FLT3: variants seen among roughly 807,000 people sequenced by gnomAD.
FLT3 encodes receptor-type tyrosine-protein kinase FLT3.
Under a neutral mutation model 126.6 loss-of-function variants are expected in FLT3, and 46 were observed. That is an observed-to-expected ratio of 0.36 (90% confidence interval 0.29 to 0.46). The LOEUF is 0.46. FLT3 is among the 20% of genes least tolerant of loss of function. FLT3 has a pLI of 1.00. For missense variants in FLT3, 1,069 were observed against 1,190.3 expected (o/e 0.90, Z 1.50); for synonymous variants, 404 against 434.4 (o/e 0.93, Z 0.87).
At chr13:28,018,807 T>C (rs1872121449) in intron 19 of FLT3, among the ~76,000 whole-genome samples, 2 of 152,178 alleles carry the variant, frequency 1.3e-5, no homozygotes, top group Non-Finnish European at 2.9e-5. Flanking sequence ...TTTGTGCGGC[T>C]TCTGAAGCAT....
intron 2 of FLT3, among the ~76,000 whole-genome samples, chr13:28,065,703 C>T (rs188120091): frequency 6.8e-5 from 10 of 147,686 alleles, no homozygotes; most frequent in South Asian, 4.3e-4. Context: ...TGGCTCACGC[C>T]TGTAATCCCA....
chr13:28,100,523 C>G lies in FLT3; in HGVS notation c.-13G>C. On this transcript the variant is annotated 5_prime_UTR_variant, in exon 1 of 24. Coordinates refer to ENST00000241453, the MANE Select transcript of FLT3 (RefSeq NM_004119.3). The surrounding 1 kb of genome is among the most constrained non-coding windows in gnomAD (Gnocchi z 4.8). Reference sequence around the variant, plus strand: ...CCAACGCCGGCATGGCCTCCGGAGCCCGGGGTCCCCAGGCCGCGCCGGCCC... The same window carrying G: ...CCAACGCCGGCATGGCCTCCGGAGCGCGGGGTCCCCAGGCCGCGCCGGCCC... The G allele has an allele frequency of 8.2e-7, 1 of 1,213,940 alleles. No individual in the cohort carries two copies. The allele number at this position is 1,213,940 out of a possible 1,614,324, so 75.2% of individuals were successfully genotyped here. A position where few individuals can be genotyped will look rare whatever the true frequency, so the allele number is the denominator to read the frequency against.
rs1874109095 is a variant in FLT3 at position 28,039,146 on chromosome 13, G to A, written c.1206-1858C>T. 2.6e-5 allele frequency among the ~76,000 whole-genome samples: 4 copies of A among 152,136 alleles called. No individual in the cohort carries two copies. The South Asian group carries it at 8.3e-4, about 32-fold the overall frequency. On this transcript the variant is annotated intron_variant, in intron 9 of 23. Transcript: ENST00000241453. The stretch of plus-strand genomic sequence containing the variant: ...ACGGGAAGTCATAGGGCTGCAGTGA[G>A]GAGGAACGGCAAGCCTCTCATGGGA...
chr13:28,071,285 C>T (rs1450688021), intron 1 of FLT3, among the ~76,000 whole-genome samples: 1 of 151,888 alleles, frequency 6.6e-6, no homozygotes, highest in Non-Finnish European at 1.5e-5. Context: ...GCTGGGATTA[C>T]AGGTGTAAGC....
At chr13:28,043,938 C>T (rs1307377444) in intron 9 of FLT3, among the ~76,000 whole-genome samples, 16 of 151,738 alleles carry the variant, frequency 1.1e-4, no homozygotes, top group African/African-American at 3.6e-4. Flanking sequence ...GGTGAAACCC[C>T]GTCTCTACTA....
chr13:28,094,219 T>C (rs1879303945), intron 1 of FLT3, among the ~76,000 whole-genome samples: 1 of 152,158 alleles, frequency 6.6e-6, no homozygotes, highest in African/African-American at 2.4e-5. Context: ...GAACATAATA[T>C]CAAACATTAG....
chr13:28,060,627 C>T (rs977461598), intron 3 of FLT3, among the ~76,000 whole-genome samples: 16 of 151,280 alleles, frequency 1.1e-4, no homozygotes, highest in Admixed American at 4.0e-4. Flanking sequence ...TTTTTTGAGA[C>T]GGAGTCTCAC....
chr13:28,080,982 C>T (rs1244206072), intron 1 of FLT3, among the ~76,000 whole-genome samples: 1 of 152,142 alleles, frequency 6.6e-6, no homozygotes, highest in Non-Finnish European at 1.5e-5. Flanking sequence ...CTATACTGTT[C>T]CATTAATCTG....
intron 9 of FLT3, among the ~76,000 whole-genome samples, chr13:28,046,592 AT>A (rs1303886336): frequency 3.3e-5 from 5 of 152,138 alleles, no homozygotes; most frequent in Non-Finnish European, 7.4e-5. Flanking sequence ...AATTGTTTTA[AT>A]TTTATTATTA....
intron 15 of FLT3, among the ~76,000 whole-genome samples, chr13:28,029,972 C>G (rs546089768): frequency 6.6e-6 from 1 of 152,334 alleles, no homozygotes; most frequent in East Asian, 1.9e-4. Flanking sequence ...CGGGCAGCCA[C>G]AGGGGCAAGG....
intron 22 of FLT3, 59 bp from the exon 23 acceptor site, chr13:28,014,616 C>A: frequency 8.6e-7 from 1 of 1,162,816 alleles, no homozygotes; most frequent in South Asian, 1.3e-5. Flanking sequence ...CAAAATGGAT[C>A]ATTTTCCATA....
intron 10 of FLT3, 114 bp from the exon 11 acceptor site, chr13:28,036,157 A>G: frequency 6.2e-6 from 5 of 806,494 alleles, no homozygotes; most frequent in Non-Finnish European, 1.1e-5. Context: ...AAGGAGTTCA[A>G]GACCAGCCTG....
chr13:28,017,247 G>C (rs895127280), intron 20 of FLT3, among the ~76,000 whole-genome samples: 3 of 151,994 alleles, frequency 2.0e-5, no homozygotes, highest in Admixed American at 6.6e-5. Flanking sequence ...TCAAAAAAAA[G>C]GGTCTCATTC....
intron 23 of FLT3, among the ~76,000 whole-genome samples, chr13:28,007,217 C>T (rs973462211): frequency 2.0e-5 from 3 of 151,848 alleles, no homozygotes; most frequent in South Asian, 4.2e-4. Flanking sequence ...CCTTAGTTAT[C>T]GTTTCCTTTT....
intron 1 of FLT3, among the ~76,000 whole-genome samples, chr13:28,095,103 C>A (rs1057426019): frequency 5.9e-5 from 9 of 152,202 alleles, no homozygotes; most frequent in African/African-American, 1.9e-4. Context: ...CTGATAAAAA[C>A]CAAAAAGCTT....
At chr13:28,036,478 C>T (rs1431000126) in intron 10 of FLT3, among the ~76,000 whole-genome samples, 1 of 152,200 alleles carries the variant, frequency 6.6e-6, no homozygotes, top group Non-Finnish European at 1.5e-5. Flanking sequence ...TAAAATGATT[C>T]TTAGCTTCAG....
At chr13:28,087,175 T>C (rs1878729491) in intron 1 of FLT3, among the ~76,000 whole-genome samples, 1 of 152,164 alleles carries the variant, frequency 6.6e-6, no homozygotes, top group South Asian at 2.1e-4. Context: ...GCTCTAGCAA[T>C]CCTCCTACCT....
intron 9 of FLT3, among the ~76,000 whole-genome samples, chr13:28,040,096 T>A (rs868672143): frequency 1.3e-5 from 2 of 152,334 alleles, no homozygotes; most frequent in Middle Eastern, 3.4e-3. Context: ...CATTCCTTCA[T>A]TCAACTGTCA....
At position 28,047,121 on chromosome 13, in the gene FLT3, T is replaced by C. The variant is rs140484185; in HGVS notation, c.1205+1154A>G. Among the ~76,000 whole-genome samples, 24 of 152,264 alleles carry C rather than the reference T, an allele frequency of 1.6e-4. No homozygotes were observed. In the East Asian group the frequency reaches 4.4e-3, roughly 28 times the overall value. Reference sequence around the variant, plus strand: ...TTAAAAAAGCAGAGTCTGAGCGTTTTGCCCCAGTTTTGAGTCAGCATGTCT... The same window carrying C: ...TTAAAAAAGCAGAGTCTGAGCGTTTCGCCCCAGTTTTGAGTCAGCATGTCT... On this transcript the variant is annotated intron_variant, in intron 9 of 23. Coordinates refer to ENST00000241453, the MANE Select transcript of FLT3 (RefSeq NM_004119.3).
Sources: gnomAD v4.1 joint callset for allele counts (sites outside exome capture counted in the v4.1 genomes callset) on GRCh38, gnomAD v4.1.1 for gene constraint, Gnocchi (gnomAD v3.1) non-coding constraint, MANE v1.5 for transcripts, NCBI Gene and HGNC (gene_info 2026-07-23, HGNC 2026-07-21) for gene names.